SLC17A6: variants seen among roughly 807,000 people sequenced by gnomAD.
The protein encoded by SLC17A6 is vesicular glutamate transporter 2.
SLC17A6 carries 35 observed loss-of-function variants against 67.1 expected under a neutral mutation model. That is an observed-to-expected ratio of 0.52 (90% CI 0.40 to 0.69). The LOEUF is 0.69. Among genes scored for constraint, SLC17A6 ranks in the 30% least tolerant of loss-of-function variants. The pLI is 0.00. For synonymous variants in SLC17A6, 285 were observed against 252.3 expected, an observed-to-expected ratio of 1.13 and a Z score of -1.23; for missense variants, 588 against 723.9, an observed-to-expected ratio of 0.81 and a Z score of 2.15.
chr11:22,344,514 C>T (rs1427058804), intron 3 of SLC17A6, among the ~76,000 whole-genome samples: 1 of 152,092 alleles, frequency 6.6e-6, no homozygotes, highest in Non-Finnish European at 1.5e-5. Context: ...TTAAGGATCC[C>T]TAGAGTGAGG....
chr11:22,360,306 AC>A (rs1279530464), intron 4 of SLC17A6, among the ~76,000 whole-genome samples: 4 of 151,950 alleles, frequency 2.6e-5, no homozygotes, highest in African/African-American at 9.7e-5. Flanking sequence ...GAGGGGAACG[AC>A]ACACACTGCA....
chr11:22,375,397 A>T (rs1466614781), intron 9 of SLC17A6, among the ~76,000 whole-genome samples: 3 of 152,028 alleles, frequency 2.0e-5, no homozygotes, highest in Non-Finnish European at 2.9e-5. Context: ...AAAAAAATAA[A>T]TAATAATGCC....
At chr11:22,357,207 T>C (rs1185646719) in intron 3 of SLC17A6, among the ~76,000 whole-genome samples, 1 of 152,240 alleles carries the variant, frequency 6.6e-6, no homozygotes, top group Non-Finnish European at 1.5e-5. Flanking sequence ...AACATTGGTA[T>C]ATGTTTTAAT....
rs1856047954 is a variant in SLC17A6, at chr11:22,361,167, A to G, written c.661+183A>G. The G allele has an allele frequency of 2.9e-5, 15 of 510,624 alleles. No individual in the cohort carries two copies. The South Asian group carries it at 4.6e-4, about 16-fold the overall frequency. 31.6% of individuals were successfully genotyped at this position (510,624 alleles called of 1,614,324 possible). On this transcript the variant is annotated intron_variant, in intron 5 of 11. Coordinates refer to ENST00000263160, the MANE Select transcript of SLC17A6 (RefSeq NM_020346.3). ...TTTTATTGTTTTGCTTAAATCTTCT[A>G]TTTATTCTTGTGTTTGTATTTTTCT...
At chr11:22,368,106 A>G (rs1856133565) in intron 7 of SLC17A6, among the ~76,000 whole-genome samples, 2 of 152,162 alleles carry the variant, frequency 1.3e-5, no homozygotes, top group South Asian at 4.1e-4. Flanking sequence ...TACTTTATCC[A>G]TAAATACTTC....
intron 10 of SLC17A6, 72 bp downstream of exon 10, chr11:22,376,164 T>A: frequency 1.1e-6 from 1 of 890,934 alleles, no homozygotes. Context: ...CACATACATA[T>A]ACCTTTTTAT....
intron 4 of SLC17A6, among the ~76,000 whole-genome samples, chr11:22,360,003 A>G (rs1856031502): frequency 6.6e-6 from 1 of 152,088 alleles, no homozygotes; most frequent in Non-Finnish European, 1.5e-5. Flanking sequence ...CAGCCTGCAG[A>G]CTTTGAAAGA....
intron 1 of SLC17A6, among the ~76,000 whole-genome samples, chr11:22,339,154 TA>T (rs1855779938): frequency 4.1e-5 from 3 of 73,992 alleles, no homozygotes; most frequent in Admixed American, 1.8e-4. Flanking sequence ...TATATATAGT[TA>T]TATATATATG....
intron 1 of SLC17A6, 118 bp from the exon 2 acceptor site, chr11:22,341,410 T>TG: frequency 7.0e-7 from 1 of 1,423,264 alleles, no homozygotes; most frequent in South Asian, 1.3e-5. Context: ...TCCCCGAGGG[T>TG]GGGGGGAGGT....
At chr11:22,339,182 TATA>T (rs1855782530) in intron 1 of SLC17A6, among the ~76,000 whole-genome samples, 2 of 15,260 alleles carry the variant, frequency 1.3e-4, no homozygotes. Context: ...ATATATGTTT[TATA>T]TATATATATA....
intron 8 of SLC17A6, among the ~76,000 whole-genome samples, chr11:22,372,432 T>A (rs1235737640): frequency 6.6e-6 from 1 of 151,478 alleles, no homozygotes; most frequent in South Asian, 2.1e-4. Flanking sequence ...AGCCTATGCT[T>A]ATATGTAACA....
intron 4 of SLC17A6, among the ~76,000 whole-genome samples, 195 bp downstream of exon 4, chr11:22,359,722 C>G (rs528848640): frequency 6.6e-6 from 1 of 152,098 alleles, no homozygotes; most frequent in Non-Finnish European, 1.5e-5. Context: ...ATGAATATCA[C>G]TGCTTATCTC....
At chr11:22,343,756 A>G (rs1353708658) in intron 3 of SLC17A6, among the ~76,000 whole-genome samples, 1 of 152,082 alleles carries the variant, frequency 6.6e-6, no homozygotes, top group African/African-American at 2.4e-5. Context: ...CACTCCCCGC[A>G]GGCTCCCAGG....
In SLC17A6 at chr11:22,376,021, A is replaced by G. The variant is rs767433390; in HGVS notation, c.1214A>G (p.Tyr405Cys). Residue 405 changes from tyrosine (Y) to cysteine (C), a missense_variant, in exon 10 of 12, where the codon TAT (tyrosine) becomes TGT (cysteine). Tyr to Cys is a radical substitution (Grantham distance 194). Around this residue, in one of 4 missense-constraint regions of SLC17A6, gnomAD observed 414 missense variants for 563.4 expected, o/e 0.73. Coordinates refer to ENST00000263160, the MANE Select transcript of SLC17A6 (RefSeq NM_020346.3). ...GCCACACTGCTCCTGGTCGTTGGCT[A>G]TTCTCATACTAGAGGGGTAGCAATC... ...MEATLLLVVG[Y>C]SHTRGVAISF... 5 of 1,611,742 alleles carry G rather than the reference A, an allele frequency of 3.1e-6. No individual in the cohort carries two copies. In the African/African-American group the frequency reaches 6.7e-5, roughly 22 times the overall value.
At chr11:22,344,675 G>T (rs1048384359) in intron 3 of SLC17A6, among the ~76,000 whole-genome samples, 3 of 152,144 alleles carry the variant, frequency 2.0e-5, no homozygotes, top group Non-Finnish European at 4.4e-5. Context: ...AATTTATTGT[G>T]TATATGTACC....
At chr11:22,356,837 A>G (rs1855997729) in intron 3 of SLC17A6, among the ~76,000 whole-genome samples, 1 of 152,232 alleles carries the variant, frequency 6.6e-6, no homozygotes, top group African/African-American at 2.4e-5. Context: ...CCATGTAGAA[A>G]TTAAGGAACT....
Position 22,362,749 on chromosome 11 carries a change from C to T in SLC17A6, c.672C>T (p.Ala224=), listed in dbSNP as rs139443686. ...LATTSFCGSY[A]GAVIAMPLAG... The stretch of plus-strand genomic sequence containing the variant: ...TTCCTTACACTTTAGGTTCCTATGC[C>T]GGAGCTGTGATTGCAATGCCTTTAG... The change falls in exon 6 of 12, where the codon GCC becomes GCT. Residue 224 remains alanine, a synonymous_variant. Coordinates refer to ENST00000263160, the MANE Select transcript of SLC17A6 (RefSeq NM_020346.3). 2,789 of 1,613,570 alleles carry T rather than the reference C, an allele frequency of 1.7e-3. 13 individuals are homozygous for T. The Middle Eastern group carries it at 0.019, about 11-fold the overall frequency.
rs576506898 is a variant in SLC17A6 at position 22,370,551 on chromosome 11, A to G, written c.1041+363A>G. Among the ~76,000 whole-genome samples the G allele has an allele frequency of 1.2e-4, 18 of 152,288 alleles. No individual in the cohort carries two copies. The South Asian group carries it at 2.1e-3, about 18-fold the overall frequency. On this transcript the variant is annotated intron_variant, in intron 8 of 11. Transcript: ENST00000263160. ...CAAACAAAAAAAGTATTCCATTCAA[A>G]TAGAATTCTACTTACAAATTTCCAA...
chr11:22,360,389 G>C (rs1856038045), intron 4 of SLC17A6, among the ~76,000 whole-genome samples: 1 of 151,904 alleles, frequency 6.6e-6, no homozygotes, highest in African/African-American at 2.4e-5. Context: ...TTAATACGTA[G>C]GTGATGGGTT....
Sources: allele counts gnomAD v4.1 joint callset (sites outside exome capture counted in the v4.1 genomes callset), GRCh38; gene constraint gnomAD v4.1.1; regional missense constraint gnomAD v4.1.1; transcripts MANE v1.5; gene names NCBI Gene and HGNC (gene_info 2026-07-23, HGNC 2026-07-21).